Variants in MAD1L1 observed in about 807,000 individuals in gnomAD.
The protein encoded by MAD1L1 is mitotic arrest deficient 1 like 1, also known as mitotic spindle assembly checkpoint protein MAD1.
A neutral mutation model predicts 96.9 loss-of-function variants in MAD1L1; 95 were observed. The ratio of observed to expected loss-of-function variants is 0.98; its 90% CI spans 0.83 to 1.16. The LOEUF (loss-of-function observed/expected upper bound fraction) is 1.16. Among genes scored for constraint, MAD1L1 ranks in the 50% most tolerant of loss-of-function variants. The pLI, the probability that MAD1L1 is intolerant of heterozygous loss-of-function variation, is 0.00. For synonymous variants in MAD1L1, 473 were observed against 396.6 expected, an observed-to-expected ratio of 1.19 and a Z score of -2.29; for missense variants, 1,007 against 954.4, an observed-to-expected ratio of 1.06 and a Z score of -0.73.
At chr7:2,068,466 G>A (rs1784980765) in intron 12 of MAD1L1, among the ~76,000 whole-genome samples, 1 of 152,190 alleles carries the variant, frequency 6.6e-6, no homozygotes, top group Non-Finnish European at 1.5e-5. Context: ...CCCAGTACTT[G>A]ACAGGTGCAG....
chr7:2,036,263 C>T (rs71522280), intron 12 of MAD1L1, among the ~76,000 whole-genome samples: 2 of 83,804 alleles, frequency 2.4e-5, no homozygotes, highest in African/African-American at 5.0e-5. Context: ...ACTGACAAGT[C>T]GGGACAGAGC....
At chr7:2,052,302 G>A (rs1158126383) in intron 12 of MAD1L1, among the ~76,000 whole-genome samples, 9 of 152,198 alleles carry the variant, frequency 5.9e-5, no homozygotes, top group South Asian at 2.1e-4. Flanking sequence ...CACAGGCAGC[G>A]GCGTAGTAGG....
intron 16 of MAD1L1, among the ~76,000 whole-genome samples, chr7:1,950,124 G>A (rs1324861417): frequency 3.3e-5 from 5 of 152,198 alleles, no homozygotes; most frequent in Admixed American, 3.3e-4. Context: ...AGGCGTGCAT[G>A]CCCATGCCTG....
intron 18 of MAD1L1, chr7:1,874,659 A>G: frequency 2.5e-6 from 1 of 397,706 alleles, no homozygotes; most frequent in Non-Finnish European, 5.0e-6. Context: ...CAGGAGGGAA[A>G]AGCAGCTCGC....
chr7:2,192,148 G>A (rs1188606405), intron 10 of MAD1L1, among the ~76,000 whole-genome samples: 1 of 148,840 alleles, frequency 6.7e-6, no homozygotes, highest in Admixed American at 6.7e-5. Context: ...GTTTTTTTTT[G>A]AGATGGAGTT....
intron 10 of MAD1L1, among the ~76,000 whole-genome samples, chr7:2,204,033 T>C (rs147016170): frequency 1.4e-4 from 21 of 152,260 alleles, no homozygotes; most frequent in Non-Finnish European, 2.5e-4. Context: ...TTTGCATTTA[T>C]GCAGCTTGTT....
chr7:2,113,034 CCTA>C (rs1192980926), intron 11 of MAD1L1, among the ~76,000 whole-genome samples: 1 of 152,074 alleles, frequency 6.6e-6, no homozygotes, highest in Non-Finnish European at 1.5e-5. Flanking sequence ...ACACAAATAA[CCTA>C]CTCGACGAGG....
intron 18 of MAD1L1, among the ~76,000 whole-genome samples, chr7:1,830,661 A>T (rs1429022502): frequency 6.6e-6 from 1 of 152,266 alleles, no homozygotes; most frequent in East Asian, 1.9e-4. Context: ...TGTGACTGTC[A>T]GGTTCTCACA....
chr7:1,972,626 A>G (rs10273955), intron 15 of MAD1L1, among the ~76,000 whole-genome samples: 2 of 151,474 alleles, frequency 1.3e-5, no homozygotes, highest in Non-Finnish European at 2.9e-5. Flanking sequence ...AAAAAGCCAG[A>G]ACTTATTGTT....
intron 16 of MAD1L1, chr7:1,940,546 G>A (rs564071676): frequency 3.3e-5 from 5 of 152,350 alleles, no homozygotes; most frequent in African/African-American, 9.6e-5. Flanking sequence ...ATCCTACGGA[G>A]CCTCGAGGAG....
intron 15 of MAD1L1, among the ~76,000 whole-genome samples, chr7:1,959,839 C>T (rs899785932): frequency 2.0e-5 from 3 of 152,166 alleles, no homozygotes; most frequent in Admixed American, 2.0e-4. Context: ...GGGGCAAATA[C>T]ACCCAGATCT....
At chr7:2,191,983 A>T (rs369004282) in intron 10 of MAD1L1, among the ~76,000 whole-genome samples, 12 of 151,886 alleles carry the variant, frequency 7.9e-5, no homozygotes, top group African/African-American at 2.9e-4. Context: ...GTGAGCTGAG[A>T]TCGCGTCACT....
intron 11 of MAD1L1, among the ~76,000 whole-genome samples, chr7:2,104,373 G>A (rs946977437): frequency 5.9e-5 from 9 of 152,262 alleles, no homozygotes; most frequent in Admixed American, 2.0e-4. Flanking sequence ...CCGTCACGGC[G>A]GCGCAATAGC....
At chr7:2,038,310 C>T (rs1783527752) in intron 12 of MAD1L1, among the ~76,000 whole-genome samples, 1 of 152,082 alleles carries the variant, frequency 6.6e-6, no homozygotes, top group African/African-American at 2.4e-5. Context: ...AGCAAGTTCT[C>T]CAGAAGATCC....
At chr7:2,034,265 G>A (rs976359916) in intron 12 of MAD1L1, among the ~76,000 whole-genome samples, 14 of 150,118 alleles carry the variant, frequency 9.3e-5, no homozygotes, top group Admixed American at 9.3e-4. Context: ...CGCCCAGGCT[G>A]GAGTGCAATG....
At chr7:2,001,171 C>T (rs1423904781) in intron 14 of MAD1L1, among the ~76,000 whole-genome samples, 4 of 152,244 alleles carry the variant, frequency 2.6e-5, no homozygotes, top group African/African-American at 4.8e-5. Flanking sequence ...CAAGGATGCC[C>T]GACGGGAGCC....
At chr7:2,141,652 C>T (rs1278592725) in intron 11 of MAD1L1, among the ~76,000 whole-genome samples, 5 of 152,220 alleles carry the variant, frequency 3.3e-5, no homozygotes, top group Non-Finnish European at 7.3e-5. Context: ...TCTAATTGGC[C>T]ACAAAATGTA....
At position 1,830,965 on chromosome 7, in the gene MAD1L1, T is replaced by TTTAA. The variant is rs200543625; in HGVS notation, c.1999-14741_1999-14738dup. The stretch of plus-strand genomic sequence containing the variant: ...CAGAGAATGTCAGATTCTATGCATA[T>TTTAA]TTAAGACTCAGCTATATCCTGCTTT... On this transcript the variant is annotated intron_variant, in intron 18 of 18. Coordinates refer to ENST00000265854, the MANE Select transcript of MAD1L1 (RefSeq NM_001013836.2). Among the ~76,000 whole-genome samples, 1,138 of 152,356 alleles carry TTTAA rather than the reference T, an allele frequency of 7.5e-3. 3 individuals carry two copies. The highest frequency in any genetic ancestry group is 0.026 in the African/African-American group (1,074 of 41,576).
At chr7:2,228,559 T>C (rs1794028643) in intron 3 of MAD1L1, among the ~76,000 whole-genome samples, 1 of 152,010 alleles carries the variant, frequency 6.6e-6, no homozygotes, top group Non-Finnish European at 1.5e-5. Context: ...AGCTCAGAGT[T>C]GGCCACTTCT....
Sources: gnomAD v4.1 joint callset for allele counts (sites outside exome capture counted in the v4.1 genomes callset) on GRCh38, gnomAD v4.1.1 for gene constraint, MANE v1.5 for transcripts, NCBI Gene and HGNC (gene_info 2026-07-23, HGNC 2026-07-21) for gene names.